The following PCDHGB2 variants were observed in gnomAD, a reference collection of about 807,000 sequenced individuals.
The protein encoded by PCDHGB2 is protocadherin gamma-B2.
Under a neutral mutation model 59.3 loss-of-function variants are expected in PCDHGB2, and 55 were observed. The ratio of observed to expected loss-of-function variants is 0.93; its 90% CI spans 0.75 to 1.16. The LOEUF is 1.16. Among genes scored for constraint, PCDHGB2 ranks in the 50% most tolerant of loss-of-function variants. PCDHGB2 has a pLI of 0.00. For missense variants in PCDHGB2, 1,228 were observed against 1,198.5 expected (o/e 1.02, Z -0.36); for synonymous variants, 516 against 512.0 (o/e 1.01, Z -0.11).
At chr5:141,372,877 A>C (rs778363950) in intron 1 of PCDHGB2, 1 of 1,270,298 alleles carries the variant, frequency 7.9e-7, no homozygotes, top group South Asian at 1.5e-5. Context: ...TAGAGATAAA[A>C]AGAATACAGA....
Position 141,409,074 on chromosome 5 carries a change from T to C in PCDHGB2, c.2421+46518T>C, listed in dbSNP as rs375843119. The C allele has an allele frequency of 4.3e-5, 69 of 1,613,884 alleles. No homozygotes were observed. Among genetic ancestry groups the C allele is most frequent in the South Asian group, 2.4e-4 (22 of 91,084 alleles). On this transcript the variant is annotated intron_variant, in intron 1 of 3. Coordinates refer to ENST00000522605, the MANE Select transcript of PCDHGB2 (RefSeq NM_018923.3). The stretch of plus-strand genomic sequence containing the variant: ...AGCACTGCCCAGAGCACAAAACATA[T>C]GTTCTCATTGGATGAGAAAACAGGT...
At chr5:141,448,058 C>G (rs2098560499) in intron 1 of PCDHGB2, among the ~76,000 whole-genome samples, 2 of 151,936 alleles carry the variant, frequency 1.3e-5, no homozygotes, top group Non-Finnish European at 2.9e-5. Flanking sequence ...TGCTCTCCAG[C>G]CTGGGCAACA....
intron 1 of PCDHGB2, chr5:141,364,262 CG>C: frequency 1.3e-6 from 2 of 1,504,192 alleles, no homozygotes; most frequent in Non-Finnish European, 1.8e-6. Flanking sequence ...ATGTACCCAT[CG>C]GCTTTAGATA....
At chr5:141,375,147 C>A (rs768909291) in intron 1 of PCDHGB2, 1 of 1,613,946 alleles carries the variant, frequency 6.2e-7, no homozygotes, top group South Asian at 1.1e-5. Context: ...GGAAGCAGAA[C>A]AATTGCTGAA....
At chr5:141,496,639 C>T (rs752903356) in intron 2 of PCDHGB2, among the ~76,000 whole-genome samples, 1 of 152,222 alleles carries the variant, frequency 6.6e-6, no homozygotes, top group Non-Finnish European at 1.5e-5. Context: ...TTGGGCTGCC[C>T]TTGCCCTTCC....
intron 1 of PCDHGB2, chr5:141,426,679 T>A (rs1008777231): frequency 9.3e-6 from 4 of 431,308 alleles, no homozygotes; most frequent in African/African-American, 2.0e-5. Context: ...CCACCTCATT[T>A]TCCCCAAAAT....
At chr5:141,402,934 A>G in intron 1 of PCDHGB2, 1 of 1,586,622 alleles carries the variant, frequency 6.3e-7, no homozygotes, top group Non-Finnish European at 8.6e-7. Flanking sequence ...TTTTGAGAAA[A>G]TTCCAAAGCG....
At chr5:141,508,830 C>G (rs1320903059) in intron 3 of PCDHGB2, among the ~76,000 whole-genome samples, 2 of 152,150 alleles carry the variant, frequency 1.3e-5, no homozygotes, top group Non-Finnish European at 2.9e-5. Flanking sequence ...CTGGGCCCCC[C>G]TCCCCTACCC....
intron 1 of PCDHGB2, chr5:141,366,786 AT>A (rs770117730): frequency 6.3e-7 from 1 of 1,575,572 alleles, no homozygotes; most frequent in Non-Finnish European, 8.6e-7. Flanking sequence ...TGACCAGAAC[AT>A]TTTCATTTGT....
chr5:141,446,482 C>A (rs961785845), intron 1 of PCDHGB2, among the ~76,000 whole-genome samples: 2 of 146,988 alleles, frequency 1.4e-5, no homozygotes, highest in Non-Finnish European at 3.0e-5. Flanking sequence ...GGTCATCATT[C>A]TTTTTTTTTT....
At chr5:141,478,712 G>T in intron 1 of PCDHGB2, 1 of 1,547,046 alleles carries the variant, frequency 6.5e-7, no homozygotes, top group Non-Finnish European at 8.7e-7. Flanking sequence ...TTTGTGAGAT[G>T]GTGGCCTGCC....
intron 2 of PCDHGB2, among the ~76,000 whole-genome samples, chr5:141,497,706 A>G (rs2099778850): frequency 6.6e-6 from 1 of 151,956 alleles, no homozygotes; most frequent in Middle Eastern, 3.2e-3. Flanking sequence ...CACCCAGCTC[A>G]TTTTTGTATT....
rs1023591745 is a variant in PCDHGB2 at position 141,432,912 on chromosome 5, G to T, written c.2422-61895G>T. 2.5e-6 allele frequency: 4 copies of T among 1,614,160 alleles called. No individual in the cohort carries two copies. Among genetic ancestry groups the T allele is most frequent in the Non-Finnish European group, 3.4e-6 (4 of 1,180,012 alleles). On this transcript the variant is annotated intron_variant, in intron 1 of 3. Transcript: ENST00000522605. The surrounding 1 kb of genome is among the most constrained non-coding windows in gnomAD (Gnocchi z 6.0). Reference sequence around the variant, plus strand: ...TTGCTGCTGGCGCTCAGGCTGCGGCGCTGGCACAAGTCACGCCTGCTGCAG... The same window carrying T: ...TTGCTGCTGGCGCTCAGGCTGCGGCTCTGGCACAAGTCACGCCTGCTGCAG...
At chr5:141,426,453 G>A (rs902416171) in intron 1 of PCDHGB2, 4 of 310,612 alleles carry the variant, frequency 1.3e-5, no homozygotes, top group African/African-American at 8.6e-5. Flanking sequence ...ACATGCGGCT[G>A]CATGTTCAGG....
At chr5:141,366,481 G>A (rs1055854699) in intron 1 of PCDHGB2, 23 of 1,614,260 alleles carry the variant, frequency 1.4e-5, no homozygotes, top group Non-Finnish European at 1.9e-5. Flanking sequence ...TCAGACTGAG[G>A]CGCTGGCACA....
intron 1 of PCDHGB2, among the ~76,000 whole-genome samples, chr5:141,455,997 A>C (rs1373055623): frequency 1.3e-5 from 2 of 151,626 alleles, no homozygotes. Context: ...TCTCGGGTTC[A>C]TGCCATTCTC....
intron 1 of PCDHGB2, chr5:141,420,193 A>G: frequency 6.2e-7 from 1 of 1,613,766 alleles, no homozygotes; most frequent in South Asian, 1.1e-5. Context: ...CAGCCACACA[A>G]GATAACCTCA....
At chr5:141,474,965 A>G (rs1268347441) in intron 1 of PCDHGB2, among the ~76,000 whole-genome samples, 1 of 152,236 alleles carries the variant, frequency 6.6e-6, no homozygotes, top group Non-Finnish European at 1.5e-5. Context: ...TATCCTAATC[A>G]TTATAATTTT....
chr5:141,393,981 T>G, intron 1 of PCDHGB2: 3 of 1,613,792 alleles, frequency 1.9e-6, no homozygotes, highest in Non-Finnish European at 2.5e-6. Flanking sequence ...ACGTGATAAT[T>G]TACCTTTTAA....
Sources: allele counts gnomAD v4.1 joint callset (sites outside exome capture counted in the v4.1 genomes callset), GRCh38; gene constraint gnomAD v4.1.1; non-coding constraint Gnocchi (gnomAD v3.1); transcripts MANE v1.5; gene names NCBI Gene and HGNC (gene_info 2026-07-23, HGNC 2026-07-21).